The following CARF variants were observed in gnomAD, a reference collection of about 807,000 sequenced individuals.
CARF encodes the protein calcium-responsive transcription factor.
A neutral mutation model predicts 82.0 loss-of-function variants in CARF; 57 were observed. The observed-to-expected ratio is 0.70, with a 90% CI of 0.56 to 0.87. CARF has a LOEUF of 0.87. CARF is among the 40% of genes least tolerant of loss of function. The pLI is 0.00. For missense variants in CARF, 771 were observed against 855.8 expected (o/e 0.90, Z 1.24); for synonymous variants, 268 against 290.1 (o/e 0.92, Z 0.77).
At chr2:202,925,244 C>T (rs1165645382) in intron 3 of CARF, 3 of 365,526 alleles carry the variant, frequency 8.2e-6, no homozygotes, top group African/African-American at 6.3e-5. Context: ...ATGAATGTAG[C>T]TTACATGAAC....
At chr2:202,956,945 C>T (rs780557591) in intron 8 of CARF, among the ~76,000 whole-genome samples, 10 of 152,042 alleles carry the variant, frequency 6.6e-5, no homozygotes, top group African/African-American at 9.7e-5. Context: ...CGTGCCACCA[C>T]GCTCAGCTAA....
chr2:202,962,118 A>T (rs2059346892), intron 9 of CARF: 1 of 152,242 alleles, frequency 6.6e-6, no homozygotes, highest in African/African-American at 2.4e-5. Context: ...AGATAAATGT[A>T]ACCACTTCTG....
At chr2:202,943,265 G>T (rs1309976926) in intron 5 of CARF, among the ~76,000 whole-genome samples, 1 of 152,016 alleles carries the variant, frequency 6.6e-6, no homozygotes, top group Non-Finnish European at 1.5e-5. Flanking sequence ...ATAGAGACAG[G>T]ATTTCACCAT....
intron 9 of CARF, chr2:202,961,725 AAAT>A (rs2059330172): frequency 2.3e-6 from 1 of 441,902 alleles, no homozygotes; most frequent in Non-Finnish European, 3.9e-6. Flanking sequence ...ATTTTATTTT[AAAT>A]ATGTACATCA....
chr2:202,920,632 C>G (rs1690626470), intron 2 of CARF, among the ~76,000 whole-genome samples: 1 of 151,364 alleles, frequency 6.6e-6, no homozygotes, highest in East Asian at 1.9e-4. Context: ...CCATTGCACT[C>G]CAACCTGGGC....
At position 202,966,998 on chromosome 2, in the gene CARF, G is replaced by A; in HGVS notation, c.853G>A (p.Glu285Lys). The change falls in exon 10 of 17, where the codon GAG (glutamate) becomes AAG (lysine). Residue 285 changes from glutamate (E) to lysine (K), a missense_variant. Glu to Lys is a moderately conservative substitution (Grantham distance 56). Transcript: ENST00000438828. ...CACAGGGAGTAGAGCTGTGGTAATGGAGTGTCAGTATGGGCCAAGAAGAAA... is the reference window on the plus strand; with the variant it reads ...CACAGGGAGTAGAGCTGTGGTAATGAAGTGTCAGTATGGGCCAAGAAGAAA... ...VNAGSRAVVM[E>K]CQYGPRRKGF... is the part of the protein sequence containing the mutation. 1 of 1,613,928 alleles carries A rather than the reference G, an allele frequency of 6.2e-7. No individual in the cohort carries two copies. Among genetic ancestry groups the A allele is most frequent in the South Asian group, 1.1e-5 (1 of 91,078 alleles).
In CARF at chr2:202,920,157, C is replaced by CT. The variant is rs969806621; in HGVS notation, c.-163+2129dup. Among the ~76,000 whole-genome samples, 452 of 142,300 alleles carry CT rather than the reference C, an allele frequency of 3.2e-3. 2 individuals carry two copies. The highest frequency in any genetic ancestry group is 5.3e-3 in the African/African-American group (209 of 39,122). 93.4% of individuals were successfully genotyped at this position (142,300 alleles called of 152,430 possible). ...TAACTATGACAATTAAATTCATAAT[C>CT]TTTTTTTTTTTTTTTGAGACGGGGT... is the stretch of plus-strand genomic sequence containing the variant. On this transcript the variant is annotated intron_variant, in intron 2 of 16. Transcript: ENST00000438828.
At chr2:202,933,368 A>G (rs1437517530) in intron 3 of CARF, among the ~76,000 whole-genome samples, 1 of 152,142 alleles carries the variant, frequency 6.6e-6, no homozygotes, top group African/African-American at 2.4e-5. Context: ...TACATGAACT[A>G]CAGTGCCTGG....
chr2:202,951,833 T>TA (rs2058766661), intron 5 of CARF, among the ~76,000 whole-genome samples: 1 of 150,782 alleles, frequency 6.6e-6, no homozygotes, highest in Non-Finnish European at 1.5e-5. Context: ...TTTATCAAGT[T>TA]ACCTTTTTTT....
intron 9 of CARF, among the ~76,000 whole-genome samples, chr2:202,963,701 A>G (rs1403031805): frequency 1.3e-5 from 2 of 152,174 alleles, no homozygotes; most frequent in Non-Finnish European, 2.9e-5. Context: ...AGCAGGTCTG[A>G]GCTGGAGGTG....
At chr2:202,949,516 TTTATTATTATTATTATTATTA>T (rs201031888) in intron 5 of CARF, among the ~76,000 whole-genome samples, 8 of 91,656 alleles carry the variant, frequency 8.7e-5, no homozygotes, top group African/African-American at 1.5e-4. Context: ...TTGTTATTTA[TTTATTATTATTATTATTATTA>T]TTATTATTAT....
At chr2:202,949,367 CT>C (rs2058650891) in intron 5 of CARF, among the ~76,000 whole-genome samples, 1 of 151,348 alleles carries the variant, frequency 6.6e-6, no homozygotes. Flanking sequence ...AGAGATATGT[CT>C]CACTCTGTCA....
intron 3 of CARF, among the ~76,000 whole-genome samples, chr2:202,937,567 C>T (rs1694148191): frequency 6.6e-6 from 1 of 151,684 alleles, no homozygotes; most frequent in Non-Finnish European, 1.5e-5. Flanking sequence ...TTTTTCTCTT[C>T]CCTTCTATAA....
At chr2:202,980,933 T>C (rs1357195534) in intron 14 of CARF, among the ~76,000 whole-genome samples, 1 of 151,988 alleles carries the variant, frequency 6.6e-6, no homozygotes, top group Non-Finnish European at 1.5e-5. Flanking sequence ...TAGATTTTTA[T>C]TTCTGATGGA....
At chr2:202,981,432 C>A in intron 14 of CARF, 123 bp from the exon 15 acceptor site, 1 of 727,190 alleles carries the variant, frequency 1.4e-6, no homozygotes, top group Non-Finnish European at 2.2e-6. Context: ...TTATTGAAGT[C>A]CTTTGCAAAA....
intron 5 of CARF, among the ~76,000 whole-genome samples, chr2:202,951,090 A>G (rs923377138): frequency 5.9e-5 from 9 of 152,024 alleles, no homozygotes; most frequent in Admixed American, 5.9e-4. Flanking sequence ...TCTGTCACCC[A>G]GGCTGGAGTA....
At position 202,954,099 on chromosome 2, in the gene CARF, A is replaced by G. The variant is rs764518938; in HGVS notation, c.522A>G (p.Gln174=). The change falls in exon 7 of 17, where the codon CAA becomes CAG. Residue 174 remains glutamine (Q), a synonymous_variant. Coordinates refer to ENST00000438828, the MANE Select transcript of CARF (RefSeq NM_024744.17). ...CCAGCAATTACATTCTTCATCCTCA[A>G]ACATCCTTCCCATTGCCCAAAAAGT... ...DNTSNYILHP[Q]TSFPLPKKSV... 4.3e-6 allele frequency: 7 copies of G among 1,613,340 alleles called. No homozygotes were observed. In the Admixed American group the frequency reaches 5.0e-5, roughly 12 times the overall value.
chr2:202,969,157 G>A (rs2059673943), intron 10 of CARF, among the ~76,000 whole-genome samples: 1 of 152,234 alleles, frequency 6.6e-6, no homozygotes, highest in African/African-American at 2.4e-5. Flanking sequence ...GCCAGGCATA[G>A]TGACACATGC....
At chr2:202,961,783 TA>T (rs1192723174) in intron 9 of CARF, 2 of 324,674 alleles carry the variant, frequency 6.2e-6, no homozygotes, top group African/African-American at 4.4e-5. Flanking sequence ...CCTTCTCTCT[TA>T]ATTTGTATTG....
Sources: gnomAD v4.1 joint callset for allele counts (sites outside exome capture counted in the v4.1 genomes callset) on GRCh38, gnomAD v4.1.1 for gene constraint, MANE v1.5 for transcripts, NCBI Gene and HGNC (gene_info 2026-07-23, HGNC 2026-07-21) for gene names.